Variants in PLSCR1 observed in about 807,000 individuals in gnomAD.
PLSCR1 encodes the protein phospholipid scramblase 1.
PLSCR1 carries 17 observed loss-of-function variants against 37.8 expected under a neutral mutation model. That is an observed-to-expected ratio of 0.45 (90% CI 0.31 to 0.68). The LOEUF (loss-of-function observed/expected upper bound fraction) is 0.68. Ranked by LOEUF, PLSCR1 falls within the 30% of genes least tolerant of loss-of-function variation. The pLI is 0.06. For synonymous variants in PLSCR1, 116 were observed against 125.9 expected, an observed-to-expected ratio of 0.92 and a Z score of 0.53; for missense variants, 347 against 380.9, an observed-to-expected ratio of 0.91 and a Z score of 0.74.
In PLSCR1 at chr3:146,536,704, G is replaced by T. The variant is rs145772879; in HGVS notation, c.-13-139C>A. ...TATTCATCCAGCCCAGCCTTATCTG[G>T]TCATTTAAGCCCTTTGTGCTTGACT... is the stretch of plus-strand genomic sequence containing the variant. On this transcript the variant is annotated intron_variant, in intron 1 of 8. Coordinates refer to ENST00000342435, the MANE Select transcript of PLSCR1 (RefSeq NM_021105.3). 867 of 584,554 alleles carry T rather than the reference G, an allele frequency of 1.5e-3. 7 individuals are homozygous for T. The African/African-American group carries it at 0.015, about 10-fold the overall frequency. 36.2% of individuals were successfully genotyped at this position (584,554 alleles called of 1,614,324 possible). A position where few individuals can be genotyped will look rare whatever the true frequency, so the allele number is the denominator to read the frequency against.
intron 3 of PLSCR1, 126 bp downstream of exon 3, chr3:146,533,344 A>G (rs983910668): frequency 4.3e-6 from 2 of 465,520 alleles, no homozygotes; most frequent in Non-Finnish European, 7.8e-6. Context: ...AATTTTAAAA[A>G]AAGAACTACT....
At chr3:146,516,416 C>T in intron 8 of PLSCR1, 1 of 227,014 alleles carries the variant, frequency 4.4e-6, no homozygotes, top group Non-Finnish European at 8.5e-6. Flanking sequence ...ACTGGAATCA[C>T]CTGGAACACT....
intron 3 of PLSCR1, among the ~76,000 whole-genome samples, chr3:146,530,528 C>T (rs1402769027): frequency 6.6e-6 from 1 of 151,944 alleles, no homozygotes; most frequent in Non-Finnish European, 1.5e-5. Context: ...AGAATGTATG[C>T]GAGCGAGGGC....
At chr3:146,517,939 A>G (rs1428189577) in intron 7 of PLSCR1, among the ~76,000 whole-genome samples, 1 of 152,242 alleles carries the variant, frequency 6.6e-6, no homozygotes, top group East Asian at 1.9e-4. Context: ...ATGTACACAT[A>G]TAGTTGTATT....
chr3:146,532,944 A>G (rs2044218597), intron 3 of PLSCR1, among the ~76,000 whole-genome samples: 1 of 152,208 alleles, frequency 6.6e-6, no homozygotes, highest in South Asian at 2.1e-4. Flanking sequence ...AAGCTTTCAT[A>G]TACATTATAA....
chr3:146,536,684 A>C (rs1351171664), intron 1 of PLSCR1, 119 bp from the exon 2 acceptor site: 1 of 648,178 alleles, frequency 1.5e-6, no homozygotes, highest in African/African-American at 1.8e-5. Context: ...CTCTTTATTC[A>C]TCCAGCCCAG....
At chr3:146,536,382 A>G (rs1188507419) in intron 2 of PLSCR1, among the ~76,000 whole-genome samples, 158 bp downstream of exon 2, 1 of 152,350 alleles carries the variant, frequency 6.6e-6, no homozygotes, top group East Asian at 1.9e-4. Context: ...TCTTCTCTAT[A>G]GTCAAAATAC....
Position 146,536,529 on chromosome 3 carries a change from AAATT to A in PLSCR1, c.13+7_13+10del. Reference sequence around the variant, plus strand: ...AAGGAGGAAAGTAAACATTTAAAATAAATTACTTACTTTGTTTGTCCATGATTAA... The same window carrying A: ...AAGGAGGAAAGTAAACATTTAAAATAACTTACTTTGTTTGTCCATGATTAA... On this transcript the variant is annotated splice_region_variant and intron_variant, in intron 2 of 8. Transcript: ENST00000342435. 7.6e-7 allele frequency: 1 copy of A among 1,318,378 alleles called. No homozygotes were observed. The highest frequency in any genetic ancestry group is 1.1e-6 in the Non-Finnish European group (1 of 910,704). The allele number at this position is 1,318,378 out of a possible 1,614,324, so 81.7% of individuals were successfully genotyped here.
intron 3 of PLSCR1, 58 bp downstream of exon 3, chr3:146,533,412 C>G: frequency 1.2e-6 from 1 of 804,560 alleles, no homozygotes; most frequent in Non-Finnish European, 2.0e-6. Flanking sequence ...CCCACTCTCA[C>G]TCTCTCTCTC....
chr3:146,532,673 C>A (rs2044215246), intron 3 of PLSCR1, among the ~76,000 whole-genome samples: 1 of 152,172 alleles, frequency 6.6e-6, no homozygotes, highest in Non-Finnish European at 1.5e-5. Context: ...CTATCCAAAC[C>A]ACATTCCCTT....
chr3:146,521,889 T>A lies in PLSCR1; in HGVS notation c.520A>T (p.Thr174Ser). ...CTACATCTTAGTGGTCTCTCCAGAG[T>A]TATGACTTCTTGACCCATATTATCA... The part of the protein sequence containing the change: ...IIDNMGQEVI[T>S]LERPLRCSSC... The change falls in exon 6 of 9, where the codon ACT becomes TCT. Residue 174 changes from threonine to serine, a missense_variant. Thr to Ser is a moderately conservative substitution (Grantham distance 58, BLOSUM62 1). Coordinates refer to ENST00000342435, the MANE Select transcript of PLSCR1 (RefSeq NM_021105.3). 6.2e-7 allele frequency: 1 copy of A among 1,613,926 alleles called. No individual in the cohort carries two copies. The highest frequency in any genetic ancestry group is 1.3e-5 in the African/African-American group (1 of 75,010).
At chr3:146,544,388 G>C (rs1006571781) in intron 1 of PLSCR1, 79 bp downstream of exon 1, 2 of 152,462 alleles carry the variant, frequency 1.3e-5, no homozygotes, top group African/African-American at 4.8e-5. Flanking sequence ...ACCTGACCCC[G>C]GCCCTGGCCC....
At position 146,525,617 on chromosome 3, in the gene PLSCR1, C is replaced by A; in HGVS notation, c.343G>T (p.Glu115Ter). Residue 115 changes from glutamate to a stop codon, truncating the protein, a stop_gained, in exon 5 of 9, where the codon GAA becomes TAA. Transcript: ENST00000342435. LOFTEE classifies it high-confidence loss of function. ...IDQILIHQQI[E>*]LLEVLTGFET... is the part of the protein sequence containing the mutation. ...AATGAATACATACCTTCCAGAAGTT[C>A]AATTTGCTGATGAATCAGTATCTGA... 1 of 1,512,534 alleles carries A rather than the reference C, an allele frequency of 6.6e-7. No homozygotes were observed. Among genetic ancestry groups the A allele is most frequent in the South Asian group, 1.1e-5 (1 of 87,812 alleles). The allele number at this position is 1,512,534 out of a possible 1,614,324, so 93.7% of individuals were successfully genotyped here.
chr3:146,541,192 A>G (rs1427333897), intron 1 of PLSCR1: 1 of 152,204 alleles, frequency 6.6e-6, no homozygotes, highest in Non-Finnish European at 1.5e-5. Flanking sequence ...TGAACAAACA[A>G]AACAAATATG....
rs1164462242 is a variant in PLSCR1, at chr3:146,523,024, C to T, written c.356-971G>A. ...TTATCCTATTGTCCTGCCACATCCC[C>T]CTCTCCGGGAAACGCCCGATAATGA... On this transcript the variant is annotated intron_variant, in intron 5 of 8. Coordinates refer to ENST00000342435, the MANE Select transcript of PLSCR1 (RefSeq NM_021105.3). 3.9e-5 allele frequency among the ~76,000 whole-genome samples: 6 copies of T among 152,210 alleles called. No individual in the cohort carries two copies. In the South Asian group the frequency reaches 1.2e-3, roughly 32 times the overall value.
At chr3:146,544,302 C>T (rs2044376278) in intron 1 of PLSCR1, among the ~76,000 whole-genome samples, 165 bp downstream of exon 1, 1 of 152,176 alleles carries the variant, frequency 6.6e-6, no homozygotes, top group Non-Finnish European at 1.5e-5. Flanking sequence ...CAACCTTCAC[C>T]CCACATCCTC....
Position 146,516,989 on chromosome 3 carries a change from A to T in PLSCR1, c.900+17T>A. 6.7e-7 allele frequency: 1 copy of T among 1,483,676 alleles called. No homozygotes were observed. Among genetic ancestry groups the T allele is most frequent in the Non-Finnish European group, 9.1e-7 (1 of 1,094,142 alleles). The allele number at this position is 1,483,676 out of a possible 1,614,324, so 91.9% of individuals were successfully genotyped here. A position where few individuals can be genotyped will look rare whatever the true frequency, so the allele number is the denominator to read the frequency against. On this transcript the variant is annotated intron_variant, in intron 8 of 8. Transcript: ENST00000342435. ...AGAGAAAGCATCTATAATCAAGATT[A>T]ATAAGAACAGACTTACAATGAGGAA...
At chr3:146,530,486 A>C (rs558211142) in intron 3 of PLSCR1, among the ~76,000 whole-genome samples, 1 of 152,294 alleles carries the variant, frequency 6.6e-6, no homozygotes, top group African/African-American at 2.4e-5. Flanking sequence ...AACACATTTA[A>C]AACAAAAAAA....
At chr3:146,530,726 G>A (rs965879290) in intron 3 of PLSCR1, among the ~76,000 whole-genome samples, 1 of 152,148 alleles carries the variant, frequency 6.6e-6, no homozygotes, top group African/African-American at 2.4e-5. Context: ...GAAAGAAGAC[G>A]ACTAGGAAAG....
Sources: allele counts gnomAD v4.1 joint callset (sites outside exome capture counted in the v4.1 genomes callset), GRCh38; gene constraint gnomAD v4.1.1; transcripts MANE v1.5; gene names NCBI Gene and HGNC (gene_info 2026-07-23, HGNC 2026-07-21).